Variants in PUDP observed in about 807,000 individuals in gnomAD.
The protein encoded by PUDP is pseudouridine 5'-phosphatase.
In PUDP, 8 loss-of-function variants were observed where a neutral mutation model predicts 9.4. The ratio of observed to expected loss-of-function variants is 0.85; its 90% CI spans 0.50 to 1.53. The LOEUF (loss-of-function observed/expected upper bound fraction) is 1.53, where lower values mean the gene tolerates loss of function less well. PUDP is among the 40% of genes most tolerant of loss of function. The probability of loss-of-function intolerance (pLI) is 0.00; values close to 1 mark genes in which losing one functional copy is unlikely to be tolerated. For synonymous variants in PUDP, 99 were observed against 80.7 expected, an observed-to-expected ratio of 1.23 and a Z score of -1.22; for missense variants, 188 against 189.7, an observed-to-expected ratio of 0.99 and a Z score of 0.05.
At chrX:6,878,817 G>A (rs1317680554) in intron 3 of PUDP, among the ~76,000 whole-genome samples, 2 of 112,159 alleles carry the variant, frequency 1.8e-5, no homozygotes, top group East Asian at 5.6e-4. Context: ...AGACAACAGT[G>A]TTTATTCTAC....
chrX:6,889,265 G>A (rs1389035012), intron 3 of PUDP, among the ~76,000 whole-genome samples: 1 of 111,781 alleles, frequency 8.9e-6, no homozygotes, highest in African/African-American at 3.2e-5. Context: ...TTGCATATTT[G>A]TGATGTTTTC....
At position 6,999,398 on chromosome X, in the gene PUDP, A is replaced by G. The variant is rs141768054; in HGVS notation, c.205-21055T>C. 4.5e-3 allele frequency among the ~76,000 whole-genome samples: 502 copies of G among 112,290 alleles called. 1 individual carries two copies. The highest frequency in any genetic ancestry group is 0.015 in the African/African-American group (475 of 30,958). The stretch of plus-strand genomic sequence containing the variant: ...TGGTGGAAATTTAAAAATAGGAAAT[A>G]TAAGAAGAAGAAACACCTCAAGTTA... On this transcript the variant is annotated intron_variant and NMD_transcript_variant, in intron 1 of 3. Coordinates refer to the PUDP transcript ENST00000655425.
intron 3 of PUDP, among the ~76,000 whole-genome samples, chrX:6,753,160 G>T (rs1465729237): frequency 9.0e-6 from 1 of 111,277 alleles, no homozygotes; most frequent in Non-Finnish European, 1.9e-5. Context: ...AAAGTTGATT[G>T]TGTCATTCTT....
At chrX:6,914,179 A>G (rs1345665999) in intron 3 of PUDP, among the ~76,000 whole-genome samples, 1 of 109,276 alleles carries the variant, frequency 9.2e-6, no homozygotes, top group East Asian at 2.8e-4. Context: ...AAAAAAAAAA[A>G]AAAAAAAATC....
At position 6,867,464 on chromosome X, in the gene PUDP, T is replaced by C. The variant is rs189157316; in HGVS notation, c.*247+109669A>G. On this transcript the variant is annotated intron_variant and NMD_transcript_variant, in intron 3 of 3. Coordinates refer to the PUDP transcript ENST00000655425. ...ATGATGGCAGTGATAGTAGTGATAA[T>C]AGTGGTGATGGTGGTGGTGGTAGTG... Among the ~76,000 whole-genome samples, 35 of 110,065 alleles carry C rather than the reference T, an allele frequency of 3.2e-4. 1 individual carries two copies. The East Asian group carries it at 0.01, about 32-fold the overall frequency.
At chrX:7,003,913 G>A (rs773090146) in intron 1 of PUDP, among the ~76,000 whole-genome samples, 6 of 111,614 alleles carry the variant, frequency 5.4e-5, no homozygotes, top group South Asian at 7.5e-4. Flanking sequence ...GTCTCACTCT[G>A]TTGCCTAGGC....
chrX:6,914,056 A>G (rs1335101237), intron 3 of PUDP, among the ~76,000 whole-genome samples: 2 of 107,234 alleles, frequency 1.9e-5, no homozygotes, highest in Admixed American at 1.0e-4. Context: ...AGTCCCAGCT[A>G]CTCGGGAGGC....
intron 3 of PUDP, among the ~76,000 whole-genome samples, chrX:6,737,533 A>G (rs1219048650): frequency 9.7e-6 from 1 of 102,940 alleles, no homozygotes; most frequent in Non-Finnish European, 2.0e-5. Flanking sequence ...AGCAGCAGGT[A>G]TTAGGACCCT....
chrX:6,721,290 C>A (rs990609759), intron 1 of PUDP: 11 of 112,152 alleles, frequency 9.8e-5, no homozygotes, highest in Admixed American at 8.5e-4. Flanking sequence ...AATTGCAACA[C>A]AGCAGAAAGC....
At chrX:7,105,192 T>C (rs1306035745) in intron 2 of PUDP, among the ~76,000 whole-genome samples, 1 of 110,382 alleles carries the variant, frequency 9.1e-6, no homozygotes, top group African/African-American at 3.3e-5. Flanking sequence ...TTTTTTTTAA[T>C]TAAGCGTCTT....
chrX:7,089,224 T>C (rs1029579910), intron 2 of PUDP, among the ~76,000 whole-genome samples: 2 of 111,586 alleles, frequency 1.8e-5, no homozygotes, highest in Non-Finnish European at 3.8e-5. Context: ...AGTCAGTTTT[T>C]CCATCAGTGG....
intron 3 of PUDP, among the ~76,000 whole-genome samples, chrX:6,757,317 G>A (rs770050566): frequency 2.5e-4 from 28 of 110,872 alleles, no homozygotes; most frequent in Non-Finnish European, 4.9e-4. Flanking sequence ...TTACGAGGCA[G>A]AGGAAACAGA....
intron 1 of PUDP, chrX:7,147,773 G>A (rs1238459586): frequency 1.8e-5 from 2 of 113,939 alleles, no homozygotes; most frequent in Non-Finnish European, 3.7e-5. Context: ...CTGCTCCCAC[G>A]TGCTCCGGCC....
At chrX:6,988,991 C>G (rs57801302) in intron 1 of PUDP, among the ~76,000 whole-genome samples, 3,575 of 111,661 alleles carry the variant, frequency 0.032, 150 homozygotes, top group African/African-American at 0.11. Context: ...CATGCATACC[C>G]AAGTATTCCC....
At chrX:6,724,501 CAAAAAAAAAA>C (rs1170392595), upstream of PUDP, among the ~76,000 whole-genome samples, 3 of 45,472 alleles carry the variant, frequency 6.6e-5, no homozygotes, top group African/African-American at 2.6e-4. Flanking sequence ...ATTCTCTCTC[CAAAAAAAAAA>C]AAAAAAAAAA....
intron 1 of PUDP, among the ~76,000 whole-genome samples, chrX:7,035,783 T>C (rs1451988989): frequency 1.9e-3 from 212 of 112,068 alleles, no homozygotes; most frequent in Non-Finnish European, 3.3e-3. Context: ...CTGAGGACTG[T>C]TAAGGTTTGG....
At chrX:6,709,804 C>G (rs763174432) in intron 1 of PUDP, among the ~76,000 whole-genome samples, 3 of 112,100 alleles carry the variant, frequency 2.7e-5, no homozygotes, top group Non-Finnish European at 3.8e-5. Context: ...ACCTAAGGCA[C>G]AACCAGAGAA....
chrX:6,714,924 G>T (rs994460925), intron 1 of PUDP, among the ~76,000 whole-genome samples: 7 of 109,775 alleles, frequency 6.4e-5, no homozygotes, highest in African/African-American at 2.3e-4. Flanking sequence ...GACCCAATAG[G>T]ATATGTATAT....
In PUDP at chrX:7,075,420, G is replaced by A. The variant is rs759436148; in HGVS notation, c.510+1800C>T. 1.1e-4 allele frequency among the ~76,000 whole-genome samples: 12 copies of A among 111,617 alleles called. No individual in the cohort carries two copies. The East Asian group carries it at 2.8e-3, about 26-fold the overall frequency. On this transcript the variant is annotated intron_variant, in intron 3 of 3. Coordinates refer to ENST00000381077, the MANE Select transcript of PUDP (RefSeq NM_012080.5). ...CTCAGGAGGGTGAGGCAGGAGAATC[G>A]CTTGAACCCGGGAGGTGGAGGTTGC...
Sources: gnomAD v4.1 joint callset for allele counts (sites outside exome capture counted in the v4.1 genomes callset) on GRCh38, gnomAD v4.1.1 for gene constraint, MANE v1.5 for transcripts, NCBI Gene and HGNC (gene_info 2026-07-23, HGNC 2026-07-21) for gene names.